ARHGAP23: variants seen among roughly 807,000 people sequenced by gnomAD.
ARHGAP23 encodes the protein rho GTPase-activating protein 23.
ARHGAP23 carries 34 observed loss-of-function variants against 136.3 expected under a neutral mutation model. The ratio of observed to expected loss-of-function variants is 0.25; its 90% CI spans 0.19 to 0.33. The LOEUF is 0.33. ARHGAP23 is among the 10% of genes least tolerant of loss of function. ARHGAP23 has a pLI of 1.00. For missense variants in ARHGAP23, 1,808 were observed against 2,139.0 expected (o/e 0.85, Z 3.05); for synonymous variants, 832 against 920.5 (o/e 0.90, Z 1.74).
intron 20 of ARHGAP23, among the ~76,000 whole-genome samples, chr17:38,494,427 C>T (rs1365569771): frequency 6.6e-6 from 1 of 152,106 alleles, no homozygotes; most frequent in African/African-American, 2.4e-5. Context: ...GGAGCCTGCT[C>T]AGAAGGAATA....
At chr17:38,449,915 C>T (rs558110159) in intron 1 of ARHGAP23, among the ~76,000 whole-genome samples, 6 of 152,166 alleles carry the variant, frequency 3.9e-5, no homozygotes, top group African/African-American at 7.2e-5. Flanking sequence ...CCCTGCAACA[C>T]GTCAGTTTCC....
At chr17:38,498,217 A>G (rs1245569805) in intron 21 of ARHGAP23, among the ~76,000 whole-genome samples, 197 bp from the exon 22 acceptor site, 1 of 152,142 alleles carries the variant, frequency 6.6e-6, no homozygotes, top group Non-Finnish European at 1.5e-5. Context: ...GGTGTTGAGG[A>G]AGGCACAAAA....
chr17:38,419,520 T>G (rs1458086129), intron 1 of ARHGAP23: 1 of 148,428 alleles, frequency 6.7e-6, no homozygotes, highest in Non-Finnish European at 1.5e-5. Flanking sequence ...GGTTGGGGCA[T>G]TGGAGCTCCG....
intron 6 of ARHGAP23, among the ~76,000 whole-genome samples, chr17:38,463,745 GC>G (rs1211153022): frequency 1.3e-5 from 2 of 152,020 alleles, no homozygotes; most frequent in Non-Finnish European, 2.9e-5. Flanking sequence ...GTCCACACAG[GC>G]ACCGAGCACA....
chr17:38,457,882 C>G (rs2039365790), intron 1 of ARHGAP23: 1 of 600,640 alleles, frequency 1.7e-6, no homozygotes, highest in African/African-American at 1.9e-5. Flanking sequence ...TATGAGGGGA[C>G]TGAGGGGAAA....
In ARHGAP23 at chr17:38,462,955, G is replaced by C. The variant is rs2039496741; in HGVS notation, c.349+14G>C. On this transcript the variant is annotated intron_variant, in intron 4 of 23. Transcript: ENST00000622683. ...GGCTTCGCACAGGTGAGCTGGCCCAGTTACCTGGGCTCTACTTTCTACCTT... is the reference window on the plus strand; with the variant it reads ...GGCTTCGCACAGGTGAGCTGGCCCACTTACCTGGGCTCTACTTTCTACCTT... 6.5e-7 allele frequency: 1 copy of C among 1,544,652 alleles called. No individual in the cohort carries two copies. The highest frequency in any genetic ancestry group is 1.2e-5 in the South Asian group (1 of 82,928).
At chr17:38,458,319 C>T (rs16965350) in intron 2 of ARHGAP23, 56 bp downstream of exon 2, 386,048 of 1,452,984 alleles carry the variant, frequency 0.27, 53,285 homozygotes, top group Admixed American at 0.44. Context: ...GGGAGGGAGA[C>T]TCTTTTGTGC....
At position 38,511,351 on chromosome 17, in the gene ARHGAP23, G is replaced by A. The variant is rs1356655310; in HGVS notation, c.*379G>A. The A allele has an allele frequency of 9.1e-6, 2 of 219,340 alleles. No individual in the cohort carries two copies. The highest frequency in any genetic ancestry group is 9.5e-5 in the East Asian group (1 of 10,480). 13.6% of individuals were successfully genotyped at this position (219,340 alleles called of 1,614,324 possible). A position where few individuals can be genotyped will look rare whatever the true frequency, so the allele number is the denominator to read the frequency against. Reference sequence around the variant, plus strand: ...AGTTTCAGACTAAAGGAAAGATCCTGGGTGATGCTGGCTTTTTGCTTCTTT... The same window carrying A: ...AGTTTCAGACTAAAGGAAAGATCCTAGGTGATGCTGGCTTTTTGCTTCTTT... On this transcript the variant is annotated 3_prime_UTR_variant, in exon 24 of 24. Coordinates refer to ENST00000622683, the MANE Select transcript of ARHGAP23 (RefSeq NM_001199417.2).
At chr17:38,499,573 G>C (rs2040474971) in intron 22 of ARHGAP23, among the ~76,000 whole-genome samples, 1 of 152,178 alleles carries the variant, frequency 6.6e-6, no homozygotes, top group Non-Finnish European at 1.5e-5. Flanking sequence ...GCACACAGGA[G>C]CTCCCTAGTC....
chr17:38,479,563 G>A (rs2039981005), intron 13 of ARHGAP23, 66 bp downstream of exon 13: 2 of 1,512,142 alleles, frequency 1.3e-6, no homozygotes, highest in Admixed American at 2.0e-5. Flanking sequence ...GGCAAAGGAT[G>A]TCTTCCTGGC....
intron 23 of ARHGAP23, among the ~76,000 whole-genome samples, chr17:38,502,648 G>A (rs867148752): frequency 2.6e-5 from 4 of 152,350 alleles, no homozygotes; most frequent in Middle Eastern, 3.4e-3. Context: ...AGTGAGGGAG[G>A]GAAAAGCGCA....
At chr17:38,480,625 C>T (rs1000433289) in intron 14 of ARHGAP23, among the ~76,000 whole-genome samples, 2 of 150,598 alleles carry the variant, frequency 1.3e-5, no homozygotes, top group South Asian at 2.1e-4. Context: ...CAGAGCGAGA[C>T]TCCATCTCAA....
At chr17:38,461,038 C>G in intron 3 of ARHGAP23, 106 bp downstream of exon 3, 1 of 1,477,486 alleles carries the variant, frequency 6.8e-7, no homozygotes, top group Non-Finnish European at 9.0e-7. Flanking sequence ...TGCCCCCCTC[C>G]CTTGACTCCT....
upstream of ARHGAP23, among the ~76,000 whole-genome samples, chr17:38,424,623 G>A (rs2038552403): frequency 6.6e-6 from 1 of 152,150 alleles, no homozygotes; most frequent in African/African-American, 2.4e-5. Context: ...GGGACTACCA[G>A]AGTCTCTAGC....
rs570302458 is a variant in ARHGAP23 at position 38,511,617 on chromosome 17, G to T, written c.*645G>T. ...CCCCTTGCCAGAGCCAGAGAAGGGG[G>T]TTGGGGCCATTCCAAGGAGGCAGGA... On this transcript the variant is annotated 3_prime_UTR_variant, in exon 24 of 24. Transcript: ENST00000622683. The T allele has an allele frequency of 6.6e-6, 1 of 152,378 alleles. No homozygotes were observed. The highest frequency in any genetic ancestry group is 1.5e-5 in the Non-Finnish European group (1 of 68,128). The allele number at this position is 152,378 out of a possible 1,614,324, so 9.4% of individuals were successfully genotyped here.
chr17:38,465,187 T>C (rs934139658), intron 6 of ARHGAP23, among the ~76,000 whole-genome samples: 2 of 148,852 alleles, frequency 1.3e-5, no homozygotes, highest in Non-Finnish European at 3.0e-5. Flanking sequence ...GGGAGAGGTA[T>C]GTGTGTGCCG....
At chr17:38,498,906 C>G (rs1167033133) in intron 22 of ARHGAP23, 7 of 667,344 alleles carry the variant, frequency 1.0e-5, no homozygotes, top group Non-Finnish European at 1.9e-5. Flanking sequence ...ACCCCCTTCT[C>G]TTCTCCTCCC....
Position 38,428,553 on chromosome 17 carries a change from G to A in ARHGAP23, c.63+5G>A, listed in dbSNP as rs942270697. The A allele has an allele frequency of 1.0e-5, 15 of 1,443,492 alleles. No homozygotes were observed. Among genetic ancestry groups the A allele is most frequent in the African/African-American group, 1.5e-5 (1 of 67,996 alleles). The allele number at this position is 1,443,492 out of a possible 1,614,324, so 89.4% of individuals were successfully genotyped here. A position where few individuals can be genotyped will look rare whatever the true frequency, so the allele number is the denominator to read the frequency against. On this transcript the variant is annotated splice_donor_5th_base_variant and intron_variant, in intron 1 of 23. Transcript: ENST00000622683. ...CCGGAGCCCCGGCCCCCACAGGTGA[G>A]GGTGCTGGGCCAGGGAAGTGGGCGG...
chr17:38,439,526 T>C (rs974128204), intron 1 of ARHGAP23, among the ~76,000 whole-genome samples: 4 of 152,190 alleles, frequency 2.6e-5, no homozygotes, highest in Non-Finnish European at 5.9e-5. Context: ...CCACCAATAA[T>C]AATAACAATG....
Sources: gnomAD v4.1 joint callset for allele counts (sites outside exome capture counted in the v4.1 genomes callset) on GRCh38, gnomAD v4.1.1 for gene constraint, MANE v1.5 for transcripts, NCBI Gene and HGNC (gene_info 2026-07-23, HGNC 2026-07-21) for gene names.